Variants in RCOR1 observed in about 807,000 individuals in gnomAD.
RCOR1 encodes the protein REST corepressor.
In RCOR1, 12 loss-of-function variants were observed where a neutral mutation model predicts 64.0. The ratio of observed to expected loss-of-function variants is 0.19; its 90% CI spans 0.12 to 0.30. The LOEUF (loss-of-function observed/expected upper bound fraction) is 0.30. RCOR1 is among the 10% of genes least tolerant of loss of function. RCOR1 has a pLI of 1.00. For synonymous variants in RCOR1, 279 were observed against 227.2 expected, an observed-to-expected ratio of 1.23 and a Z score of -2.05; for missense variants, 502 against 621.2, an observed-to-expected ratio of 0.81 and a Z score of 2.04.
intron 2 of RCOR1, among the ~76,000 whole-genome samples, chr14:102,620,738 A>G (rs1345629687): frequency 6.6e-6 from 1 of 152,072 alleles, no homozygotes; most frequent in African/African-American, 2.4e-5. Flanking sequence ...TAAAATGTAA[A>G]TTAGCTGTTC....
At chr14:102,612,045 G>A (rs916770562) in intron 2 of RCOR1, among the ~76,000 whole-genome samples, 3 of 151,516 alleles carry the variant, frequency 2.0e-5, no homozygotes, top group Admixed American at 1.3e-4. Context: ...GGGTTCAAGC[G>A]ATCATCCCTC....
At chr14:102,700,061 ATTTT>A (rs1234817770) in intron 3 of RCOR1, among the ~76,000 whole-genome samples, 1 of 152,160 alleles carries the variant, frequency 6.6e-6, no homozygotes, top group Non-Finnish European at 1.5e-5. Context: ...TCTCTTAAGA[ATTTT>A]TTAAAACATA....
chr14:102,650,065 G>T (rs1894552668), intron 2 of RCOR1, among the ~76,000 whole-genome samples: 1 of 152,030 alleles, frequency 6.6e-6, no homozygotes, highest in African/African-American at 2.4e-5. Flanking sequence ...GGGTGAGGTG[G>T]CGGGCACCTG....
intron 2 of RCOR1, among the ~76,000 whole-genome samples, chr14:102,624,038 T>A (rs1332374131): frequency 6.7e-6 from 1 of 148,292 alleles, no homozygotes; most frequent in Non-Finnish European, 1.5e-5. Context: ...CTAAAAAAAA[T>A]ACAAAACATT....
At chr14:102,696,660 A>G (rs182222880) in intron 3 of RCOR1, among the ~76,000 whole-genome samples, 1 of 152,286 alleles carries the variant, frequency 6.6e-6, no homozygotes, top group East Asian at 1.9e-4. Flanking sequence ...TAAGGGACAG[A>G]ATTAAGATTG....
intron 2 of RCOR1, among the ~76,000 whole-genome samples, chr14:102,677,117 G>A (rs1895188950): frequency 7.8e-6 from 1 of 127,516 alleles, no homozygotes; most frequent in Non-Finnish European, 1.7e-5. Context: ...GGGCCGAGGA[G>A]CCCCTCACCT....
chr14:102,639,000 C>T (rs889297305), intron 2 of RCOR1, among the ~76,000 whole-genome samples: 4 of 152,134 alleles, frequency 2.6e-5, no homozygotes, highest in African/African-American at 4.8e-5. Context: ...ATGTAATTCT[C>T]TTGGGATTTT....
intron 2 of RCOR1, among the ~76,000 whole-genome samples, chr14:102,678,908 T>C (rs760437037): frequency 7.2e-5 from 11 of 152,222 alleles, no homozygotes; most frequent in Non-Finnish European, 1.0e-4. Context: ...TCATCTAATA[T>C]ACCCCCTTTA....
chr14:102,697,594 T>G (rs947229323), intron 3 of RCOR1, among the ~76,000 whole-genome samples: 1 of 152,216 alleles, frequency 6.6e-6, no homozygotes, highest in African/African-American at 2.4e-5. Context: ...TCCTGGTACA[T>G]TAACTTACTT....
intron 2 of RCOR1, among the ~76,000 whole-genome samples, chr14:102,660,302 A>C (rs1316219528): frequency 6.6e-6 from 1 of 152,200 alleles, no homozygotes; most frequent in Non-Finnish European, 1.5e-5. Flanking sequence ...GGTTTTTTTA[A>C]ACAACATGAA....
intron 2 of RCOR1, among the ~76,000 whole-genome samples, chr14:102,616,242 GTGTGTGTA>G (rs1893759480): frequency 9.6e-6 from 1 of 104,344 alleles, no homozygotes; most frequent in Non-Finnish European, 2.2e-5. Context: ...GTGTGTGTGT[GTGTGTGTA>G]TGTGTGTGTG....
At chr14:102,631,009 T>C (rs2139909650) in intron 2 of RCOR1, among the ~76,000 whole-genome samples, 1 of 152,234 alleles carries the variant, frequency 6.6e-6, no homozygotes, top group Admixed American at 6.5e-5. Flanking sequence ...GCTTATGCAG[T>C]GGTTCAGGGC....
At chr14:102,661,567 TA>T (rs1894824204) in intron 2 of RCOR1, among the ~76,000 whole-genome samples, 1 of 152,172 alleles carries the variant, frequency 6.6e-6, no homozygotes, top group South Asian at 2.1e-4. Flanking sequence ...AATTATGTAT[TA>T]AGTGCTTCAG....
rs1434975795 is a variant in RCOR1 at position 102,592,733 on chromosome 14, C to T, written c.-154C>T. ...GGCTTGAAGCGGCTCCGCGCTCTGCCCGTTTGGGCCTCCCCCGACTCGGAC... is the reference window on the plus strand; with the variant it reads ...GGCTTGAAGCGGCTCCGCGCTCTGCTCGTTTGGGCCTCCCCCGACTCGGAC... On this transcript the variant is annotated 5_prime_UTR_variant, in exon 1 of 12. Coordinates refer to ENST00000262241, the MANE Select transcript of RCOR1 (RefSeq NM_015156.4). 8.2e-7 allele frequency: 1 copy of T among 1,223,504 alleles called. No homozygotes were observed. Among genetic ancestry groups the T allele is most frequent in the Non-Finnish European group, 1.0e-6 (1 of 982,726 alleles). 75.8% of individuals were successfully genotyped at this position (1,223,504 alleles called of 1,614,324 possible). A position where few individuals can be genotyped will look rare whatever the true frequency, so the allele number is the denominator to read the frequency against.
Position 102,708,552 on chromosome 14 carries a change from G to A in RCOR1, c.748G>A (p.Ala250Thr). ...RTKTSVMDRH[A>T]RKQKREREES... ...TAAAACTAGTGTGATGGATCGCCAT[G>A]CCCGGAAACAAAAACGGGAGCGGGA... is the stretch of plus-strand genomic sequence containing the variant. Residue 250 changes from alanine to threonine, a missense_variant, in exon 6 of 12, where the codon GCC becomes ACC. By Grantham distance (58) the Ala-to-Thr change is moderately conservative. This residue lies in a region of RCOR1 where 260 missense variants were observed against 416.4 expected (regional missense o/e 0.62). Transcript: ENST00000262241. 1.2e-6 allele frequency: 2 copies of A among 1,612,024 alleles called. No homozygotes were observed. Among genetic ancestry groups the A allele is most frequent in the Non-Finnish European group, 8.5e-7 (1 of 1,178,366 alleles).
chr14:102,658,021 C>T, intron 2 of RCOR1: 2 of 855,216 alleles, frequency 2.3e-6, no homozygotes, highest in South Asian at 1.1e-4. Context: ...GTTGCCCAGG[C>T]TGGAGTGCAG....
intron 2 of RCOR1, among the ~76,000 whole-genome samples, chr14:102,607,836 C>A (rs1346931291): frequency 6.6e-6 from 1 of 152,128 alleles, no homozygotes; most frequent in Non-Finnish European, 1.5e-5. Flanking sequence ...GAGCTGAGAT[C>A]GTGCCACTGC....
At chr14:102,636,784 A>G (rs1894248535) in intron 2 of RCOR1, among the ~76,000 whole-genome samples, 1 of 151,934 alleles carries the variant, frequency 6.6e-6, no homozygotes, top group Admixed American at 6.6e-5. Flanking sequence ...AGCCTGGCCA[A>G]CATGGTGAAA....
chr14:102,636,872 G>A (rs1894250834), intron 2 of RCOR1, among the ~76,000 whole-genome samples: 1 of 149,848 alleles, frequency 6.7e-6, no homozygotes, highest in Non-Finnish European at 1.5e-5. Flanking sequence ...TTGGAAGACT[G>A]AGGCATGTGG....
Sources: allele counts gnomAD v4.1 joint callset (sites outside exome capture counted in the v4.1 genomes callset), GRCh38; gene constraint gnomAD v4.1.1; regional missense constraint gnomAD v4.1.1; transcripts MANE v1.5; gene names NCBI Gene and HGNC (gene_info 2026-07-23, HGNC 2026-07-21).